BCLAF3: variants seen among roughly 807,000 people sequenced by gnomAD.
The protein encoded by BCLAF3 is transient octamer binding factor 1.
Under a neutral mutation model 51.2 loss-of-function variants are expected in BCLAF3, and 24 were observed. The observed-to-expected ratio is 0.47, with a 90% CI of 0.34 to 0.66. The LOEUF is 0.66. BCLAF3 is among the 30% of genes least tolerant of loss of function. The probability of loss-of-function intolerance (pLI) is 0.01; values close to 1 mark genes in which losing one functional copy is unlikely to be tolerated. For synonymous variants in BCLAF3, 152 were observed against 176.6 expected (o/e 0.86, Z 1.10); for missense variants, 465 against 525.1 (o/e 0.89, Z 1.12).
At chrX:19,928,116 C>A (rs1467966648) in intron 11 of BCLAF3, among the ~76,000 whole-genome samples, 1 of 107,247 alleles carries the variant, frequency 9.3e-6, no homozygotes, top group Non-Finnish European at 1.9e-5. Context: ...CTCCTGGGCT[C>A]AAGCGATCCT....
chrX:19,964,641 T>A (rs1431905391), intron 4 of BCLAF3, among the ~76,000 whole-genome samples: 2 of 111,582 alleles, frequency 1.8e-5, no homozygotes, highest in Non-Finnish European at 3.8e-5. Context: ...AAGGTCCCTT[T>A]CAGCTCAAAA....
rs1238907318 is a variant in BCLAF3 at position 19,927,546 on chromosome X, G to A, written c.2106+2239C>T. ...TGGGCTATTCAATAGCAATACCAGA[G>A]ATACACACATTTCTCAGAAGAAAAT... On this transcript the variant is annotated intron_variant, in intron 11 of 11. Coordinates refer to ENST00000379682, the MANE Select transcript of BCLAF3 (RefSeq NM_001367774.2). Among the ~76,000 whole-genome samples, 13 of 111,879 alleles carry A rather than the reference G, an allele frequency of 1.2e-4. No homozygotes were observed. In the Admixed American group the frequency reaches 1.2e-3, roughly 11 times the overall value.
chrX:19,936,451 C>T (rs1356111903), intron 9 of BCLAF3, among the ~76,000 whole-genome samples: 1 of 111,635 alleles, frequency 9.0e-6, no homozygotes, highest in Non-Finnish European at 1.9e-5. Context: ...AAAGATGGGG[C>T]CCATTCTCAA....
intron 11 of BCLAF3, among the ~76,000 whole-genome samples, chrX:19,917,786 A>G (rs1342558781): frequency 1.2e-5 from 1 of 85,502 alleles, no homozygotes; most frequent in African/African-American, 8.8e-5. Flanking sequence ...AACTGCAGAG[A>G]AAGTTATTAG....
chrX:19,947,650 A>C (rs974701219), intron 8 of BCLAF3, among the ~76,000 whole-genome samples: 7 of 112,084 alleles, frequency 6.2e-5, no homozygotes, highest in African/African-American at 2.3e-4. Context: ...AAAGATCCTA[A>C]GGCATCAGGG....
intron 11 of BCLAF3, among the ~76,000 whole-genome samples, chrX:19,928,558 G>A (rs1369158829): frequency 9.0e-6 from 1 of 110,978 alleles, no homozygotes; most frequent in African/African-American, 3.3e-5. Flanking sequence ...ACTCCAGCCT[G>A]GGGAATAAGA....
chrX:19,932,855 A>G (rs1467025046), intron 10 of BCLAF3, among the ~76,000 whole-genome samples: 4 of 112,098 alleles, frequency 3.6e-5, no homozygotes, highest in Non-Finnish European at 7.5e-5. Flanking sequence ...GATTTTCTCA[A>G]CATGAAGAGC....
chrX:19,932,719 A>T (rs371461411), intron 10 of BCLAF3, among the ~76,000 whole-genome samples: 1 of 109,446 alleles, frequency 9.1e-6, no homozygotes. Context: ...TTTAGTAGAG[A>T]CAGGGTTTCA....
At chrX:19,983,060 T>G (rs371822638) in intron 1 of BCLAF3, among the ~76,000 whole-genome samples, 9 of 104,759 alleles carry the variant, frequency 8.6e-5, no homozygotes, top group African/African-American at 2.4e-4. Flanking sequence ...GTTCAAGCGA[T>G]TCCCGTGCTT....
intron 8 of BCLAF3, among the ~76,000 whole-genome samples, chrX:19,950,290 A>C (rs2071438063): frequency 8.9e-6 from 1 of 111,775 alleles, no homozygotes; most frequent in Non-Finnish European, 1.9e-5. Context: ...GATTTTTTTC[A>C]CTTTTTGTCA....
intron 1 of BCLAF3, among the ~76,000 whole-genome samples, chrX:19,974,446 G>A (rs1345126448): frequency 1.8e-5 from 2 of 111,939 alleles, no homozygotes; most frequent in African/African-American, 3.2e-5. Flanking sequence ...CTGGTCCAGG[G>A]GCTACAGAAC....
At chrX:19,970,075 T>C in intron 2 of BCLAF3, 149 bp downstream of exon 2, 1 of 502,563 alleles carries the variant, frequency 2.0e-6, no homozygotes, top group Non-Finnish European at 3.5e-6. Context: ...AGCTGTCAGC[T>C]ACTAGAATGT....
intron 3 of BCLAF3, among the ~76,000 whole-genome samples, 161 bp from the exon 4 acceptor site, chrX:19,965,867 A>C (rs2072034144): frequency 8.9e-6 from 1 of 112,344 alleles, no homozygotes; most frequent in Non-Finnish European, 1.9e-5. Context: ...GTTAAAGAGG[A>C]AAATACCATC....
At chrX:19,969,794 AGAAG>A (rs1229013125) in intron 2 of BCLAF3, among the ~76,000 whole-genome samples, 3 of 112,195 alleles carry the variant, frequency 2.7e-5, no homozygotes, top group Non-Finnish European at 5.6e-5. Context: ...GATACTACCA[AGAAG>A]GAAGGAGAAA....
At position 19,937,145 on chromosome X, in the gene BCLAF3, G is replaced by A. The variant is rs1349825565; in HGVS notation, c.1860+273C>T. ...CTGCCTTGGCCTCCCAAAGTGCTAG[G>A]ATTACAAGCATGAGCCACTGCACCT... On this transcript the variant is annotated intron_variant, in intron 9 of 11. Coordinates refer to ENST00000379682, the MANE Select transcript of BCLAF3 (RefSeq NM_001367774.2). Among the ~76,000 whole-genome samples, 5 of 111,322 alleles carry A rather than the reference G, an allele frequency of 4.5e-5. No homozygotes were observed. In the East Asian group the frequency reaches 1.4e-3, roughly 31 times the overall value.
At chrX:19,970,993 AAC>A (rs2072238293) in intron 1 of BCLAF3, among the ~76,000 whole-genome samples, 1 of 112,669 alleles carries the variant, frequency 8.9e-6, no homozygotes, top group Non-Finnish European at 1.9e-5. Context: ...CATGTACAGA[AAC>A]ACTTCATATA....
chrX:19,986,396 C>T (rs768337530), intron 1 of BCLAF3, among the ~76,000 whole-genome samples: 3 of 112,113 alleles, frequency 2.7e-5, no homozygotes, highest in East Asian at 2.8e-4. Flanking sequence ...TCTTCAAACA[C>T]GAGATAGCCT....
chrX:19,929,756 C>A, intron 11 of BCLAF3, 29 bp downstream of exon 11: 1 of 1,161,435 alleles, frequency 8.6e-7, no homozygotes, highest in Non-Finnish European at 1.2e-6. Context: ...AGTCACTAAA[C>A]ATTTTTAAAT....
chrX:19,922,660 G>A (rs145875247), intron 11 of BCLAF3, among the ~76,000 whole-genome samples: 1,921 of 111,521 alleles, frequency 0.017, 43 homozygotes, highest in African/African-American at 0.06. Context: ...CACTTTGGGA[G>A]GCTGAGGTGG....
Sources: allele counts gnomAD v4.1 joint callset (sites outside exome capture counted in the v4.1 genomes callset), GRCh38; gene constraint gnomAD v4.1.1; transcripts MANE v1.5; gene names NCBI Gene and HGNC (gene_info 2026-07-23, HGNC 2026-07-21).